The following GRIA4 variants were observed in gnomAD, a reference collection of about 807,000 sequenced individuals.
The protein encoded by GRIA4 is glutamate ionotropic receptor AMPA type subunit 4.
A neutral mutation model predicts 104.0 loss-of-function variants in GRIA4; 34 were observed. That is an observed-to-expected ratio of 0.33 (90% CI 0.25 to 0.44). GRIA4 has a LOEUF of 0.44. GRIA4 is among the 20% of genes least tolerant of loss of function. The probability of loss-of-function intolerance (pLI) is 1.00; values close to 1 mark genes in which losing one functional copy is unlikely to be tolerated. For missense variants in GRIA4, 750 were observed against 1,096.5 expected, an observed-to-expected ratio of 0.68 and a Z score of 4.46; for synonymous variants, 386 against 381.9, an observed-to-expected ratio of 1.01 and a Z score of -0.13.
chr11:105,696,347 T>G (rs1200725234), intron 3 of GRIA4, among the ~76,000 whole-genome samples: 1 of 152,200 alleles, frequency 6.6e-6, no homozygotes, highest in African/African-American at 2.4e-5. Flanking sequence ...CGATGTCTTA[T>G]TCTCATTATC....
In GRIA4 at chr11:105,727,505, T is replaced by A. The variant is rs559239727; in HGVS notation, c.248-25476T>A. On this transcript the variant is annotated intron_variant, in intron 3 of 16. Coordinates refer to ENST00000282499, the MANE Select transcript of GRIA4 (RefSeq NM_000829.4). ...CCAACATAGCAAGACAGGCCAACAT[T>A]CAAATTCAGGAAATACAGAGAACAC... Among the ~76,000 whole-genome samples, 4 of 152,086 alleles carry A rather than the reference T, an allele frequency of 2.6e-5. No homozygotes were observed. In the South Asian group the frequency reaches 8.3e-4, roughly 32 times the overall value.
At chr11:105,760,729 T>C (rs1940584953) in intron 4 of GRIA4, among the ~76,000 whole-genome samples, 1 of 152,140 alleles carries the variant, frequency 6.6e-6, no homozygotes. Context: ...TATTCATGTT[T>C]TTTTTTCACT....
intron 7 of GRIA4, among the ~76,000 whole-genome samples, chr11:105,900,650 G>A (rs1363837029): frequency 6.6e-6 from 1 of 151,792 alleles, no homozygotes; most frequent in Non-Finnish European, 1.5e-5. Context: ...GCAGTGTCGC[G>A]ATCTCGCCCC....
At chr11:105,632,529 A>C (rs541055242) in intron 3 of GRIA4, among the ~76,000 whole-genome samples, 7 of 152,244 alleles carry the variant, frequency 4.6e-5, no homozygotes, top group Non-Finnish European at 8.8e-5. Flanking sequence ...AATTGTTGAC[A>C]AATTAATCAT....
At chr11:105,664,121 G>A (rs913975454) in intron 3 of GRIA4, among the ~76,000 whole-genome samples, 1 of 147,032 alleles carries the variant, frequency 6.8e-6, no homozygotes, top group African/African-American at 2.5e-5. Context: ...ATGTTGTTGA[G>A]GGATGCCGTG....
intron 4 of GRIA4, among the ~76,000 whole-genome samples, chr11:105,754,809 T>A (rs1169943110): frequency 6.6e-6 from 1 of 152,220 alleles, no homozygotes; most frequent in Non-Finnish European, 1.5e-5. Flanking sequence ...TAATATTCAA[T>A]GTTTTGCTCA....
At chr11:105,642,561 A>AAAAAAAAAAAAAAAC (rs1951401880) in intron 3 of GRIA4, among the ~76,000 whole-genome samples, 1 of 142,084 alleles carries the variant, frequency 7.0e-6, no homozygotes, top group African/African-American at 2.5e-5. Context: ...AAAAAAAAAA[A>AAAAAAAAAAAAAAAC]AAGGCTGTCG....
intron 3 of GRIA4, among the ~76,000 whole-genome samples, chr11:105,623,050 ATT>A (rs1950790525): frequency 1.0e-5 from 1 of 97,850 alleles, no homozygotes; most frequent in Non-Finnish European, 2.1e-5. Context: ...GTAGTATTCC[ATT>A]GTATATATAT....
intron 4 of GRIA4, among the ~76,000 whole-genome samples, chr11:105,848,326 T>G (rs1202432886): frequency 2.0e-5 from 3 of 152,196 alleles, no homozygotes; most frequent in Admixed American, 6.5e-5. Context: ...TGAAAAAGAT[T>G]GTAAATATTC....
At chr11:105,729,694 C>T (rs189977118) in intron 3 of GRIA4, among the ~76,000 whole-genome samples, 1 of 152,194 alleles carries the variant, frequency 6.6e-6, no homozygotes, top group Non-Finnish European at 1.5e-5. Flanking sequence ...GGATACGAGG[C>T]TGGTTCAACA....
intron 4 of GRIA4, among the ~76,000 whole-genome samples, chr11:105,842,288 A>G (rs923021513): frequency 6.6e-5 from 10 of 152,192 alleles, no homozygotes; most frequent in African/African-American, 2.2e-4. Context: ...CTTTGCCCTG[A>G]GGGACATGGA....
chr11:105,830,296 T>G (rs1429003344), intron 4 of GRIA4, among the ~76,000 whole-genome samples: 1 of 152,000 alleles, frequency 6.6e-6, no homozygotes, highest in Non-Finnish European at 1.5e-5. Flanking sequence ...GTGCAGTGGC[T>G]TGGTCTCAAA....
chr11:105,730,094 C>T (rs1938493036), intron 3 of GRIA4, among the ~76,000 whole-genome samples: 1 of 152,196 alleles, frequency 6.6e-6, no homozygotes, highest in African/African-American at 2.4e-5. Context: ...CAATTCATCT[C>T]TGTTTGCAGA....
Position 105,924,663 on chromosome 11 carries a change from G to A in GRIA4, c.1741G>A (p.Gly581Arg), listed in dbSNP as rs369753546. The A allele has an allele frequency of 5.8e-5, 93 of 1,613,006 alleles. No homozygotes were observed. Among genetic ancestry groups the A allele is most frequent in the South Asian group, 4.1e-4 (37 of 91,058 alleles). ...GTGGCACACAGAAGAGCCAGAGGAC[G>A]GAAAGGAAGGACCCAGCGACCAGCC... ...YEWHTEEPEDGKEGPSDQPPN... is the reference protein window; with the variant it reads ...YEWHTEEPEDRKEGPSDQPPN... The change falls in exon 12 of 17, where the codon GGA becomes AGA. Residue 581 changes from glycine (G) to arginine (R), a missense_variant. Transcript: ENST00000282499.
intron 4 of GRIA4, among the ~76,000 whole-genome samples, chr11:105,806,218 A>T (rs1942947303): frequency 1.3e-5 from 2 of 151,906 alleles, no homozygotes; most frequent in South Asian, 4.1e-4. Context: ...TAAGTGGTTG[A>T]GATATGTTCA....
intron 3 of GRIA4, among the ~76,000 whole-genome samples, chr11:105,634,468 GGAAA>G (rs751748317): frequency 0.013 from 1,262 of 94,234 alleles, 11 homozygotes; most frequent in Admixed American, 0.025. Flanking sequence ...AGAAAGAAAG[GGAAA>G]GAAAGAAAGA....
Position 105,611,734 on chromosome 11 carries a change from T to C in GRIA4, c.89-542T>C, listed in dbSNP as rs572375526. ...GCTATTCTCCTCTACTGTCTTTTAATGGGACGCAGCTATTGAATTTCTTCC... is the reference window on the plus strand; with the variant it reads ...GCTATTCTCCTCTACTGTCTTTTAACGGGACGCAGCTATTGAATTTCTTCC... On this transcript the variant is annotated intron_variant, in intron 2 of 16. Transcript: ENST00000282499. Among the ~76,000 whole-genome samples, 12 of 152,292 alleles carry C rather than the reference T, an allele frequency of 7.9e-5. No individual in the cohort carries two copies. In the South Asian group the frequency reaches 2.5e-3, roughly 32 times the overall value.
At chr11:105,620,685 AT>A (rs1334811429) in intron 3 of GRIA4, among the ~76,000 whole-genome samples, 2 of 151,862 alleles carry the variant, frequency 1.3e-5, no homozygotes, top group African/African-American at 4.8e-5. Flanking sequence ...CCATTACTTT[AT>A]ATTGCCAAAT....
At chr11:105,846,230 G>T (rs1944589554) in intron 4 of GRIA4, among the ~76,000 whole-genome samples, 1 of 152,012 alleles carries the variant, frequency 6.6e-6, no homozygotes, top group South Asian at 2.1e-4. Context: ...TAGAAAACTA[G>T]TATTTGGAAT....
Sources: gnomAD v4.1 joint callset for allele counts (sites outside exome capture counted in the v4.1 genomes callset) on GRCh38, gnomAD v4.1.1 for gene constraint, MANE v1.5 for transcripts, NCBI Gene and HGNC (gene_info 2026-07-23, HGNC 2026-07-21) for gene names.